MINK1: variants seen among roughly 807,000 people sequenced by gnomAD.
MINK1 encodes the protein misshapen like kinase 1, also known as misshapen-like kinase 1.
MINK1 carries 46 observed loss-of-function variants against 178.4 expected under a neutral mutation model. That is an observed-to-expected ratio of 0.26 (90% CI 0.20 to 0.33). The LOEUF (loss-of-function observed/expected upper bound fraction) is 0.33, where lower values mean the gene tolerates loss of function less well. Among genes scored for constraint, MINK1 ranks in the 10% least tolerant of loss-of-function variants. MINK1 has a pLI of 1.00. For synonymous variants in MINK1, 797 were observed against 709.7 expected (o/e 1.12, Z -1.96); for missense variants, 1,366 against 1,814.9 (o/e 0.75, Z 4.49).
Position 4,833,912 on chromosome 17 carries a change from T to A in MINK1, c.57+272T>A, listed in dbSNP as rs1031810202. On this transcript the variant is annotated intron_variant, in intron 1 of 31. Coordinates refer to ENST00000355280, the MANE Select transcript of MINK1 (RefSeq NM_153827.5). This position sits in a 1 kb window ranked among gnomAD's most constrained non-coding sequence, Gnocchi z 4.8. ...CTTCCGTGCCACCCTACCTTTACTCTGGGGTTCGGGACCCACTGGTTCGCC... is the reference window on the plus strand; with the variant it reads ...CTTCCGTGCCACCCTACCTTTACTCAGGGGTTCGGGACCCACTGGTTCGCC... Among the ~76,000 whole-genome samples, 10 of 152,200 alleles carry A rather than the reference T, an allele frequency of 6.6e-5. 1 individual carries two copies. Among genetic ancestry groups the A allele is most frequent in the Non-Finnish European group, 1.2e-4 (8 of 68,028 alleles).
chr17:4,894,898 C>A lies in MINK1; in HGVS notation c.2918-177C>A. On this transcript the variant is annotated intron_variant, in intron 24 of 31. Coordinates refer to ENST00000355280, the MANE Select transcript of MINK1 (RefSeq NM_153827.5). This position sits in a 1 kb window ranked among gnomAD's most constrained non-coding sequence, Gnocchi z 4.1. The stretch of plus-strand genomic sequence containing the variant: ...TGACAGAAATGGGACTTGAGCCAGA[C>A]CTTTTGACTCCAAGTCCAGCACTCT... 1.4e-6 allele frequency: 1 copy of A among 728,486 alleles called. No homozygotes were observed. The highest frequency in any genetic ancestry group is 2.2e-6 in the Non-Finnish European group (1 of 450,384). The allele number at this position is 728,486 out of a possible 1,614,324, so 45.1% of individuals were successfully genotyped here.
At position 4,887,098 on chromosome 17, in the gene MINK1, C is replaced by T; in HGVS notation, c.950-12C>T. The stretch of plus-strand genomic sequence containing the variant: ...CGCTGGGTGAGATAACTGCAGTGGC[C>T]TCCCCCTGCAGAGGAGACAGAATAT... On this transcript the variant is annotated splice_polypyrimidine_tract_variant and intron_variant, in intron 10 of 31. Transcript: ENST00000355280. This position sits in a 1 kb window ranked among gnomAD's most constrained non-coding sequence, Gnocchi z 7.6. The T allele has an allele frequency of 6.3e-7, 1 of 1,581,412 alleles. No homozygotes were observed. The highest frequency in any genetic ancestry group is 8.6e-7 in the Non-Finnish European group (1 of 1,163,510).
chr17:4,841,875 G>C (rs1453756893), intron 1 of MINK1, among the ~76,000 whole-genome samples: 2 of 152,104 alleles, frequency 1.3e-5, no homozygotes, highest in Non-Finnish European at 2.9e-5. Context: ...TTCTCAGCCA[G>C]GGCACCGCTG....
At position 4,882,584 on chromosome 17, in the gene MINK1, G is replaced by A. The variant is rs530645528; in HGVS notation, c.306+1327G>A. 5.9e-5 allele frequency among the ~76,000 whole-genome samples: 9 copies of A among 152,294 alleles called. No individual in the cohort carries two copies. In the South Asian group the frequency reaches 1.5e-3, roughly 25 times the overall value. ...GCCCCCTTTCTGCTTCTAAGTCAGG[G>A]ACTGGCAAACTTCTTCTGTGAAGGG... On this transcript the variant is annotated intron_variant, in intron 4 of 31. Coordinates refer to ENST00000355280, the MANE Select transcript of MINK1 (RefSeq NM_153827.5).
chr17:4,889,705 T>TGGAGGACATGCAGGCTCTGCGGCG lies in MINK1; in HGVS notation c.1296_1319dup (p.Asp432_Glu439dup). ...CAGGAGAAGGAGCAGCAGCGGCGGC[T>TGGAGGACATGCAGGCTCTGCGGCG]GGAGGACATGCAGGCTCTGCGGCGG... On this transcript the variant is annotated inframe_insertion, in exon 13 of 32. Coordinates refer to ENST00000355280, the MANE Select transcript of MINK1 (RefSeq NM_153827.5). The TGGAGGACATGCAGGCTCTGCGGCG allele has an allele frequency of 7.1e-6, 11 of 1,557,024 alleles. No homozygotes were observed. Among genetic ancestry groups the TGGAGGACATGCAGGCTCTGCGGCG allele is most frequent in the Non-Finnish European group, 8.7e-6 (10 of 1,153,234 alleles).
intron 1 of MINK1, among the ~76,000 whole-genome samples, chr17:4,856,285 C>T (rs1253189369): frequency 6.6e-6 from 1 of 152,138 alleles, no homozygotes; most frequent in South Asian, 2.1e-4. Flanking sequence ...AAGCATCTCG[C>T]GCTCTACTTA....
At chr17:4,880,239 A>G (rs1299060063) in intron 2 of MINK1, among the ~76,000 whole-genome samples, 4 of 151,798 alleles carry the variant, frequency 2.6e-5, no homozygotes, top group East Asian at 1.9e-4. Flanking sequence ...GTCCACTCCC[A>G]TGAGCAGCAC....
At chr17:4,844,522 C>A (rs1910713430) in intron 1 of MINK1, 3 of 490,136 alleles carry the variant, frequency 6.1e-6, no homozygotes, top group African/African-American at 5.8e-5. Context: ...ATAGAGGACA[C>A]CTTTTATTCG....
chr17:4,887,039 C>T lies in MINK1; in HGVS notation c.950-71C>T. 6.7e-7 allele frequency: 1 copy of T among 1,500,182 alleles called. No individual in the cohort carries two copies. Among genetic ancestry groups the T allele is most frequent in the South Asian group, 1.2e-5 (1 of 82,720 alleles). 92.9% of individuals were successfully genotyped at this position (1,500,182 alleles called of 1,614,324 possible). On this transcript the variant is annotated intron_variant, in intron 10 of 31. Coordinates refer to ENST00000355280, the MANE Select transcript of MINK1 (RefSeq NM_153827.5). This position sits in a 1 kb window ranked among gnomAD's most constrained non-coding sequence, Gnocchi z 7.6. ...AGCCAGAGAGACCTGGTTATCCCCACCCAAGGTTTCCCTAGCCCACGGCGG... is the reference window on the plus strand; with the variant it reads ...AGCCAGAGAGACCTGGTTATCCCCATCCAAGGTTTCCCTAGCCCACGGCGG...
rs537817849 is a variant in MINK1 at position 4,891,166 on chromosome 17, G to A, written c.1740+42G>A. On this transcript the variant is annotated intron_variant, in intron 15 of 31. Transcript: ENST00000355280. ...CCCTGTCTTAATGAAGACACAGGGA[G>A]CTTTGTTCAGAGCACAGGTACACAC... 1,422 of 1,456,780 alleles carry A rather than the reference G, an allele frequency of 9.8e-4. 2 individuals are homozygous for A. Among genetic ancestry groups the A allele is most frequent in the South Asian group, 3.5e-3 (248 of 70,934 alleles). The allele number at this position is 1,456,780 out of a possible 1,614,324, so 90.2% of individuals were successfully genotyped here. A position where few individuals can be genotyped will look rare whatever the true frequency, so the allele number is the denominator to read the frequency against.
chr17:4,868,086 C>G (rs977959203), intron 1 of MINK1, among the ~76,000 whole-genome samples: 1 of 151,614 alleles, frequency 6.6e-6, no homozygotes, highest in Non-Finnish European at 1.5e-5. Flanking sequence ...TAGTGATTCT[C>G]CTGCCTCAGC....
At chr17:4,897,164 A>C in intron 31 of MINK1, 40 bp from the exon 32 acceptor site, 1 of 1,570,274 alleles carries the variant, frequency 6.4e-7, no homozygotes, top group Non-Finnish European at 8.7e-7. Context: ...ACACCCCCCC[A>C]ACCTCAGCCC....
Position 4,885,181 on chromosome 17 carries a change from G to C in MINK1, c.508+179G>C, listed in dbSNP as rs1968084866. ...CCTCCTGCTGAAAATCCCTCAGGAA[G>C]CTCTTCACCTGTCACCTGTTACGGG... On this transcript the variant is annotated intron_variant, in intron 6 of 31. Coordinates refer to ENST00000355280, the MANE Select transcript of MINK1 (RefSeq NM_153827.5). The surrounding 1 kb of genome is among the most constrained non-coding windows in gnomAD (Gnocchi z 5.0). 6.6e-6 allele frequency among the ~76,000 whole-genome samples: 1 copy of C among 152,166 alleles called. No individual in the cohort carries two copies. The highest frequency in any genetic ancestry group is 2.4e-5 in the African/African-American group (1 of 41,432).
In MINK1 at chr17:4,856,408, G is replaced by A. The variant is rs545025409; in HGVS notation, c.58-21909G>A. Among the ~76,000 whole-genome samples the A allele has an allele frequency of 2.6e-5, 4 of 151,682 alleles. No homozygotes were observed. In the East Asian group the frequency reaches 5.8e-4, roughly 22 times the overall value. On this transcript the variant is annotated intron_variant, in intron 1 of 31. Transcript: ENST00000355280. Reference sequence around the variant, plus strand: ...GTCTCCAGCTCACACACCCACTCCCGTTTTCTCTCTCTTACGTACTCACAC... The same window carrying A: ...GTCTCCAGCTCACACACCCACTCCCATTTTCTCTCTCTTACGTACTCACAC...
intron 1 of MINK1, among the ~76,000 whole-genome samples, chr17:4,839,668 A>G (rs1785785877): frequency 1.3e-5 from 2 of 152,064 alleles, no homozygotes. Flanking sequence ...AAGCTCTTCT[A>G]GGGGGTAATG....
chr17:4,859,932 C>T (rs187318156), intron 1 of MINK1, among the ~76,000 whole-genome samples: 15 of 152,128 alleles, frequency 9.9e-5, no homozygotes, highest in Admixed American at 3.9e-4. Context: ...GAACTACTTT[C>T]CGCATGCGGA....
intron 1 of MINK1, among the ~76,000 whole-genome samples, chr17:4,867,138 GTTTTTTTTTTT>G (rs759995957): frequency 3.1e-5 from 2 of 64,914 alleles, no homozygotes; most frequent in African/African-American, 1.3e-4. Flanking sequence ...TCTTAGGACT[GTTTTTTTTTTT>G]TTTTTTTTTT....
intron 1 of MINK1, among the ~76,000 whole-genome samples, chr17:4,863,160 A>G (rs11658765): frequency 0.76 from 116,328 of 152,164 alleles, 45,621 homozygotes; most frequent in Non-Finnish European, 0.84. Flanking sequence ...CTTGGAACTG[A>G]AACCATAGGG....
intron 1 of MINK1, among the ~76,000 whole-genome samples, chr17:4,869,548 A>G (rs1044172002): frequency 3.3e-5 from 5 of 152,004 alleles, no homozygotes; most frequent in Non-Finnish European, 5.9e-5. Context: ...AAGTGCTCAC[A>G]TTACAGGCGT....
Sources: gnomAD v4.1 joint callset for allele counts (sites outside exome capture counted in the v4.1 genomes callset) on GRCh38, gnomAD v4.1.1 for gene constraint, Gnocchi (gnomAD v3.1) non-coding constraint, MANE v1.5 for transcripts, NCBI Gene and HGNC (gene_info 2026-07-23, HGNC 2026-07-21) for gene names.